The following DPP10 variants were observed in gnomAD, a reference collection of about 807,000 sequenced individuals.
The protein encoded by DPP10 is dipeptidyl peptidase like 10.
A neutral mutation model predicts 120.9 loss-of-function variants in DPP10; 33 were observed. That is an observed-to-expected ratio of 0.27 (90% confidence interval 0.21 to 0.37). The LOEUF is 0.37. DPP10 is among the 10% of genes least tolerant of loss of function. DPP10 has a pLI of 1.00. For missense variants in DPP10, 816 were observed against 942.8 expected (o/e 0.87, Z 1.76); for synonymous variants, 337 against 326.1 (o/e 1.03, Z -0.36).
At chr2:114,478,518 T>C (rs1680717932) in intron 1 of DPP10, among the ~76,000 whole-genome samples, 1 of 152,070 alleles carries the variant, frequency 6.6e-6, no homozygotes, top group Admixed American at 6.6e-5. Flanking sequence ...CAAGAATGTA[T>C]TCTCACCATT....
intron 5 of DPP10, among the ~76,000 whole-genome samples, chr2:115,679,020 C>A (rs977797103): frequency 6.6e-6 from 1 of 152,172 alleles, no homozygotes; most frequent in African/African-American, 2.4e-5. Context: ...CCCATTATAT[C>A]TAGGAAGTAA....
intron 1 of DPP10, among the ~76,000 whole-genome samples, chr2:114,896,343 A>G (rs1326061488): frequency 6.6e-6 from 1 of 152,176 alleles, no homozygotes; most frequent in Non-Finnish European, 1.5e-5. Context: ...CATTTTCATG[A>G]TATTGATTCT....
chr2:115,726,470 C>T (rs1246969731), intron 7 of DPP10, among the ~76,000 whole-genome samples: 1 of 151,960 alleles, frequency 6.6e-6, no homozygotes, highest in Non-Finnish European at 1.5e-5. Flanking sequence ...AGTAGAGGAC[C>T]GAGATTTAGA....
Position 114,503,104 on chromosome 2 carries a change from T to G in DPP10, c.60+60266T>G, listed in dbSNP as rs529042161. Among the ~76,000 whole-genome samples the G allele has an allele frequency of 6.6e-5, 10 of 152,346 alleles. No homozygotes were observed. In the South Asian group the frequency reaches 2.1e-3, roughly 32 times the overall value. On this transcript the variant is annotated intron_variant, in intron 1 of 25. Coordinates refer to ENST00000410059, the MANE Select transcript of DPP10 (RefSeq NM_020868.6). Reference sequence around the variant, plus strand: ...TGGACTGCTCTTCTGTTCAAGATGCTTTTGGCTGCTGCACCCTTTGCAATG... The same window carrying G: ...TGGACTGCTCTTCTGTTCAAGATGCGTTTGGCTGCTGCACCCTTTGCAATG...
chr2:115,636,373 C>T (rs916061570), intron 5 of DPP10, among the ~76,000 whole-genome samples: 1 of 152,032 alleles, frequency 6.6e-6, no homozygotes, highest in Admixed American at 6.6e-5. Context: ...AGAACATTTA[C>T]GTGACTATTG....
intron 21 of DPP10, among the ~76,000 whole-genome samples, chr2:115,828,572 A>G (rs571533364): frequency 3.9e-5 from 6 of 152,058 alleles, no homozygotes; most frequent in African/African-American, 1.2e-4. Flanking sequence ...ATTTCTTTGT[A>G]TGTTCCATTT....
At chr2:114,937,426 A>T (rs1696567204) in intron 1 of DPP10, among the ~76,000 whole-genome samples, 1 of 152,148 alleles carries the variant, frequency 6.6e-6, no homozygotes, top group Non-Finnish European at 1.5e-5. Context: ...GAGTTCAGAA[A>T]GTGGGGGATG....
chr2:114,458,844 A>G (rs1320556939), intron 1 of DPP10, among the ~76,000 whole-genome samples: 1 of 152,206 alleles, frequency 6.6e-6, no homozygotes, highest in Non-Finnish European at 1.5e-5. Context: ...AAAAGTCAAT[A>G]CAATGTTGAA....
intron 1 of DPP10, among the ~76,000 whole-genome samples, chr2:114,642,429 C>T (rs1055008025): frequency 7.9e-5 from 12 of 151,882 alleles, no homozygotes; most frequent in Non-Finnish European, 1.3e-4. Flanking sequence ...TGCACTACCC[C>T]CAATGAGTTG....
chr2:115,387,388 G>T lies in DPP10; in HGVS notation c.271+43476G>T, dbSNP rs183805664. Among the ~76,000 whole-genome samples, 17 of 152,266 alleles carry T rather than the reference G, an allele frequency of 1.1e-4. No homozygotes were observed. In the East Asian group the frequency reaches 1.7e-3, roughly 16 times the overall value. On this transcript the variant is annotated intron_variant, in intron 3 of 25. Coordinates refer to ENST00000410059, the MANE Select transcript of DPP10 (RefSeq NM_020868.6). ...CTTTAACAATTGAAAAGAAATTACAGAGATTTACTATAAATTTCTCAGTAG... is the reference window on the plus strand; with the variant it reads ...CTTTAACAATTGAAAAGAAATTACATAGATTTACTATAAATTTCTCAGTAG...
chr2:115,388,432 G>C (rs1339332235), intron 3 of DPP10, among the ~76,000 whole-genome samples: 2 of 152,150 alleles, frequency 1.3e-5, no homozygotes, highest in East Asian at 3.9e-4. Context: ...TAGGAGCCTT[G>C]GGCTGGTTAG....
At chr2:114,561,023 A>G (rs1415579467) in intron 1 of DPP10, among the ~76,000 whole-genome samples, 1 of 152,146 alleles carries the variant, frequency 6.6e-6, no homozygotes, top group Non-Finnish European at 1.5e-5. Flanking sequence ...AGGGAATCCT[A>G]AGGAAGCTCT....
chr2:114,875,323 C>G (rs1691065098), intron 1 of DPP10, among the ~76,000 whole-genome samples: 1 of 152,116 alleles, frequency 6.6e-6, no homozygotes, highest in South Asian at 2.1e-4. Flanking sequence ...GACCTCATAG[C>G]CATTTGGGAC....
chr2:115,648,828 A>G (rs550264095), intron 5 of DPP10, among the ~76,000 whole-genome samples: 1 of 152,188 alleles, frequency 6.6e-6, no homozygotes, highest in Non-Finnish European at 1.5e-5. Flanking sequence ...AAGCAGTAAT[A>G]GGAGTCATAT....
At chr2:115,103,304 C>G (rs2048791825) in intron 1 of DPP10, among the ~76,000 whole-genome samples, 1 of 151,656 alleles carries the variant, frequency 6.6e-6, no homozygotes, top group African/African-American at 2.4e-5. Flanking sequence ...TCTCCTGCCT[C>G]AGCCTCCAAA....
intron 1 of DPP10, among the ~76,000 whole-genome samples, chr2:115,273,659 C>G (rs1371176893): frequency 6.6e-6 from 1 of 152,162 alleles, no homozygotes; most frequent in African/African-American, 2.4e-5. Context: ...TTTTAAAGAG[C>G]TCTCGCAAAC....
intron 19 of DPP10, among the ~76,000 whole-genome samples, chr2:115,814,159 A>G (rs866343041): frequency 9.2e-5 from 14 of 152,104 alleles, no homozygotes; most frequent in Admixed American, 7.2e-4. Flanking sequence ...AAGTTTTTCA[A>G]ACATATATAT....
intron 5 of DPP10, among the ~76,000 whole-genome samples, chr2:115,651,806 T>C (rs888671935): frequency 6.6e-6 from 1 of 152,106 alleles, no homozygotes; most frequent in African/African-American, 2.4e-5. Flanking sequence ...TTGGACAGCC[T>C]TTGTAAGTTT....
At chr2:114,794,618 G>T (rs1472973549) in intron 1 of DPP10, among the ~76,000 whole-genome samples, 2 of 152,120 alleles carry the variant, frequency 1.3e-5, no homozygotes, top group Non-Finnish European at 2.9e-5. Context: ...GTGTGTCTTT[G>T]TCAATAATAG....
Sources: allele counts gnomAD v4.1 joint callset (sites outside exome capture counted in the v4.1 genomes callset), GRCh38; gene constraint gnomAD v4.1.1; transcripts MANE v1.5; gene names NCBI Gene and HGNC (gene_info 2026-07-23, HGNC 2026-07-21).